NLGN1: variants seen among roughly 807,000 people sequenced by gnomAD.
NLGN1 encodes the protein neuroligin 1, also known as neuroligin-1.
NLGN1 carries 12 observed loss-of-function variants against 65.5 expected under a neutral mutation model. That is an observed-to-expected ratio of 0.18 (90% CI 0.12 to 0.30). NLGN1 has a LOEUF of 0.30. Among genes scored for constraint, NLGN1 ranks in the 10% least tolerant of loss-of-function variants. NLGN1 has a pLI of 1.00. For missense variants in NLGN1, 750 were observed against 1,007.1 expected (o/e 0.74, Z 3.46); for synonymous variants, 350 against 359.5 (o/e 0.97, Z 0.30).
chr3:173,402,523 A>G (rs1717883141), intron 1 of NLGN1, among the ~76,000 whole-genome samples: 1 of 152,172 alleles, frequency 6.6e-6, no homozygotes, highest in South Asian at 2.1e-4. Context: ...TCTCAGAACC[A>G]GATTCTGGAG....
At chr3:174,181,976 CAAA>C (rs551914698) in intron 4 of NLGN1, among the ~76,000 whole-genome samples, 4 of 44,394 alleles carry the variant, frequency 9.0e-5, no homozygotes, top group African/African-American at 1.4e-4. Context: ...GACTTGGTGT[CAAA>C]AAAAAAAAAA....
intron 3 of NLGN1, among the ~76,000 whole-genome samples, chr3:173,752,881 G>A (rs1395935941): frequency 1.3e-5 from 2 of 151,944 alleles, no homozygotes; most frequent in Non-Finnish European, 2.9e-5. Flanking sequence ...TCCCAATTCA[G>A]TGAAAACATA....
At position 174,280,349 on chromosome 3, in the gene NLGN1, A is replaced by C; in HGVS notation, c.1650-132A>C. 1 of 657,928 alleles carries C rather than the reference A, an allele frequency of 1.5e-6. No individual in the cohort carries two copies. The highest frequency in any genetic ancestry group is 2.5e-6 in the Non-Finnish European group (1 of 394,538). The allele number at this position is 657,928 out of a possible 1,614,324, so 40.8% of individuals were successfully genotyped here. A position where few individuals can be genotyped will look rare whatever the true frequency, so the allele number is the denominator to read the frequency against. On this transcript the variant is annotated intron_variant, in intron 6 of 6. Transcript: ENST00000457714. The surrounding 1 kb of genome is among the most constrained non-coding windows in gnomAD (Gnocchi z 4.9). ...CTAGGAGATTTATATTTCTAAATTGACCCAAATTAATGTTAAAACACAATC... is the reference window on the plus strand; with the variant it reads ...CTAGGAGATTTATATTTCTAAATTGCCCCAAATTAATGTTAAAACACAATC...
At chr3:174,115,636 G>A (rs1016079938) in intron 4 of NLGN1, among the ~76,000 whole-genome samples, 8 of 152,180 alleles carry the variant, frequency 5.3e-5, no homozygotes, top group Non-Finnish European at 8.8e-5. Flanking sequence ...AGGCTGGGAA[G>A]AGGTGACAAG....
At chr3:173,485,392 C>T (rs1677548776) in intron 2 of NLGN1, among the ~76,000 whole-genome samples, 1 of 152,068 alleles carries the variant, frequency 6.6e-6, no homozygotes, top group South Asian at 2.1e-4. Context: ...TAATAATCCT[C>T]TTTTCCCTCC....
At chr3:173,787,357 A>G (rs1441982208) in intron 3 of NLGN1, among the ~76,000 whole-genome samples, 1 of 152,216 alleles carries the variant, frequency 6.6e-6, no homozygotes, top group Non-Finnish European at 1.5e-5. Context: ...AATGTGAAAT[A>G]TTTCACAAAA....
intron 4 of NLGN1, among the ~76,000 whole-genome samples, chr3:174,069,532 A>C (rs1739374047): frequency 6.6e-6 from 1 of 152,224 alleles, no homozygotes; most frequent in Non-Finnish European, 1.5e-5. Flanking sequence ...CTATTTATAT[A>C]AACCTATGTT....
chr3:173,539,103 A>G (rs1482353742), intron 2 of NLGN1, among the ~76,000 whole-genome samples: 2 of 151,980 alleles, frequency 1.3e-5, no homozygotes, highest in African/African-American at 4.8e-5. Context: ...GATTTCCTTC[A>G]CTGCTGTCTT....
At chr3:174,136,704 A>G (rs1323145431) in intron 4 of NLGN1, 4 of 152,168 alleles carry the variant, frequency 2.6e-5, no homozygotes, top group African/African-American at 9.6e-5. Context: ...GCCTGCAGAC[A>G]TAACAATGTT....
intron 1 of NLGN1, among the ~76,000 whole-genome samples, chr3:173,400,214 T>C (rs1717406139): frequency 6.6e-6 from 1 of 152,178 alleles, no homozygotes; most frequent in Admixed American, 6.5e-5. Flanking sequence ...TAATTATCTG[T>C]AAATGAAATC....
intron 4 of NLGN1, among the ~76,000 whole-genome samples, chr3:174,205,142 TTAAA>T (rs1488894586): frequency 1.3e-5 from 2 of 152,166 alleles, no homozygotes; most frequent in African/African-American, 4.8e-5. Context: ...AACTAATATC[TTAAA>T]TAACATGAAA....
At chr3:173,876,212 G>C (rs1338665391) in intron 4 of NLGN1, among the ~76,000 whole-genome samples, 1 of 152,088 alleles carries the variant, frequency 6.6e-6, no homozygotes, top group Admixed American at 6.6e-5. Context: ...TGTGGAAGTG[G>C]TAATTTTGAC....
intron 4 of NLGN1, among the ~76,000 whole-genome samples, chr3:174,082,613 T>A (rs1742465880): frequency 6.6e-6 from 1 of 151,858 alleles, no homozygotes; most frequent in East Asian, 1.9e-4. Context: ...ATATACAATA[T>A]CTACTAAGAT....
intron 4 of NLGN1, among the ~76,000 whole-genome samples, chr3:173,927,600 G>A (rs1743247532): frequency 6.6e-6 from 1 of 152,184 alleles, no homozygotes; most frequent in East Asian, 1.9e-4. Flanking sequence ...GGAAGATGGG[G>A]AGTAAAGTTA....
chr3:174,278,994 G>A (rs1751100882), exon 6 of NLGN1: 3 of 1,587,510 alleles, frequency 1.9e-6, no homozygotes, highest in Non-Finnish European at 2.6e-6. Context: ...TAGAGTTAGT[G>A]GAATGCCTAC....
At chr3:173,792,292 T>C (rs1011366125) in intron 3 of NLGN1, among the ~76,000 whole-genome samples, 7 of 152,144 alleles carry the variant, frequency 4.6e-5, no homozygotes, top group African/African-American at 1.7e-4. Flanking sequence ...TAATGACTGC[T>C]TCAATCTTTT....
chr3:173,820,051 C>T (rs1719918513), intron 4 of NLGN1, among the ~76,000 whole-genome samples: 1 of 152,150 alleles, frequency 6.6e-6, no homozygotes, highest in South Asian at 2.1e-4. Flanking sequence ...GTGGTGGCTG[C>T]GCCTGTAGTC....
intron 4 of NLGN1, among the ~76,000 whole-genome samples, chr3:173,972,127 C>A (rs1716385243): frequency 6.6e-6 from 1 of 152,078 alleles, no homozygotes. Context: ...AGAACATTAA[C>A]AAAGTAAGAA....
chr3:173,743,830 C>T (rs1314025390), intron 3 of NLGN1, among the ~76,000 whole-genome samples: 2 of 152,046 alleles, frequency 1.3e-5, no homozygotes, highest in Non-Finnish European at 1.5e-5. Flanking sequence ...TAACTGCCTG[C>T]AGAGTTCAAT....
Sources: gnomAD v4.1 joint callset for allele counts (sites outside exome capture counted in the v4.1 genomes callset) on GRCh38, gnomAD v4.1.1 for gene constraint, Gnocchi (gnomAD v3.1) non-coding constraint, MANE v1.5 for transcripts, NCBI Gene and HGNC (gene_info 2026-07-23, HGNC 2026-07-21) for gene names.